The following KCNIP4 variants were observed in gnomAD, a reference collection of about 807,000 sequenced individuals.
KCNIP4 encodes Kv channel-interacting protein 4.
Under a neutral mutation model 34.0 loss-of-function variants are expected in KCNIP4, and 12 were observed. The ratio of observed to expected loss-of-function variants is 0.35; its 90% confidence interval spans 0.23 to 0.57. The LOEUF (loss-of-function observed/expected upper bound fraction) is 0.57, where lower values mean the gene tolerates loss of function less well. KCNIP4 is among the 20% of genes least tolerant of loss of function. The pLI, the probability that KCNIP4 is intolerant of heterozygous loss-of-function variation, is 0.83. For missense variants in KCNIP4, 238 were observed against 311.7 expected, an observed-to-expected ratio of 0.76 and a Z score of 1.78; for synonymous variants, 124 against 102.2, an observed-to-expected ratio of 1.21 and a Z score of -1.29.
intron 1 of KCNIP4, among the ~76,000 whole-genome samples, chr4:21,780,666 C>T (rs1010305514): frequency 2.0e-5 from 3 of 152,158 alleles, no homozygotes; most frequent in Admixed American, 6.5e-5. Flanking sequence ...AACTTACAGG[C>T]TTAAGACTGA....
At chr4:20,740,707 C>G (rs1750852362) in intron 5 of KCNIP4, among the ~76,000 whole-genome samples, 1 of 152,132 alleles carries the variant, frequency 6.6e-6, no homozygotes, top group Admixed American at 6.6e-5. Flanking sequence ...ATGACAGGAT[C>G]AAATTCACAC....
chr4:20,947,903 G>T (rs572375769), intron 1 of KCNIP4, among the ~76,000 whole-genome samples: 2 of 152,260 alleles, frequency 1.3e-5, no homozygotes, highest in African/African-American at 4.8e-5. Flanking sequence ...CAGTAAACTT[G>T]GATCCCAGTT....
intron 1 of KCNIP4, among the ~76,000 whole-genome samples, chr4:21,166,938 C>CAAAAAAAAAAAAAA (rs55649635): frequency 1.6e-4 from 6 of 37,546 alleles, no homozygotes; most frequent in African/African-American, 5.4e-4. Context: ...CACTCCATCT[C>CAAAAAAAAAAAAAA]AAAAAAAAAA....
chr4:20,829,202 AT>A (rs1718125278), intron 3 of KCNIP4, among the ~76,000 whole-genome samples: 1 of 88,100 alleles, frequency 1.1e-5, no homozygotes, highest in South Asian at 5.2e-4. Context: ...AAGTCCTTTT[AT>A]TTTTTATTTT....
At chr4:21,531,183 T>C (rs1273089993) in intron 1 of KCNIP4, among the ~76,000 whole-genome samples, 3 of 152,148 alleles carry the variant, frequency 2.0e-5, no homozygotes, top group Non-Finnish European at 4.4e-5. Context: ...ATTCTAGGCT[T>C]CCAAGTGAAA....
chr4:21,208,116 A>G (rs1326938651), intron 1 of KCNIP4, among the ~76,000 whole-genome samples: 1 of 152,118 alleles, frequency 6.6e-6, no homozygotes, highest in African/African-American at 2.4e-5. Context: ...TACAGGGATT[A>G]CAGGTGTGCG....
chr4:21,477,873 G>T (rs1460267845), intron 1 of KCNIP4, among the ~76,000 whole-genome samples: 2 of 152,136 alleles, frequency 1.3e-5, no homozygotes, highest in African/African-American at 2.4e-5. Flanking sequence ...AGGAACACAA[G>T]CCTGGTGGTA....
intron 1 of KCNIP4, among the ~76,000 whole-genome samples, chr4:21,021,280 G>A (rs1740008944): frequency 6.6e-6 from 1 of 152,128 alleles, no homozygotes; most frequent in African/African-American, 2.4e-5. Flanking sequence ...TTGTAGGACT[G>A]GAAGTTGCTT....
At chr4:20,794,321 A>C (rs1713170778) in intron 3 of KCNIP4, among the ~76,000 whole-genome samples, 1 of 152,122 alleles carries the variant, frequency 6.6e-6, no homozygotes. Flanking sequence ...GAGCAATTGG[A>C]AGTGGCTATA....
chr4:21,813,563 A>G (rs1721790753), intron 1 of KCNIP4, among the ~76,000 whole-genome samples: 1 of 152,186 alleles, frequency 6.6e-6, no homozygotes, highest in South Asian at 2.1e-4. Context: ...ACAAAGATCC[A>G]TTTGTACTCA....
intron 1 of KCNIP4, among the ~76,000 whole-genome samples, chr4:21,640,148 G>A (rs561899721): frequency 1.3e-5 from 2 of 152,260 alleles, no homozygotes; most frequent in East Asian, 3.9e-4. Flanking sequence ...ACTAGCCAAT[G>A]CCATAGGACT....
chr4:21,758,745 A>ACGCTT (rs1717834206), intron 1 of KCNIP4, among the ~76,000 whole-genome samples: 1 of 55,842 alleles, frequency 1.8e-5, no homozygotes, highest in Non-Finnish European at 6.5e-5. Flanking sequence ...AAAGCCATAT[A>ACGCTT]TGGGCTGCTT....
At chr4:21,122,906 C>T (rs4697205) in intron 1 of KCNIP4, among the ~76,000 whole-genome samples, 86,961 of 152,012 alleles carry the variant, frequency 0.57, 25,158 homozygotes, top group African/African-American at 0.64. Flanking sequence ...CTTTAAGCTA[C>T]TGGTTAAAAA....
chr4:21,326,045 T>C (rs1715003867), intron 1 of KCNIP4, among the ~76,000 whole-genome samples: 1 of 151,908 alleles, frequency 6.6e-6, no homozygotes, highest in Admixed American at 6.6e-5. Context: ...ATCCATGTGC[T>C]TAGAAGAATA....
intron 1 of KCNIP4, among the ~76,000 whole-genome samples, chr4:20,948,067 A>C (rs1329284987): frequency 6.6e-6 from 1 of 152,206 alleles, no homozygotes; most frequent in Non-Finnish European, 1.5e-5. Flanking sequence ...CTGTGAAAAC[A>C]CATGTTAAAT....
chr4:21,051,843 A>G (rs1351212984), intron 1 of KCNIP4, among the ~76,000 whole-genome samples: 1 of 152,224 alleles, frequency 6.6e-6, no homozygotes, highest in Non-Finnish European at 1.5e-5. Flanking sequence ...CACAACCACT[A>G]CATTACAGCA....
At chr4:21,264,331 G>T (rs1397981637) in intron 1 of KCNIP4, among the ~76,000 whole-genome samples, 3 of 152,136 alleles carry the variant, frequency 2.0e-5, no homozygotes, top group Non-Finnish European at 4.4e-5. Context: ...CCAACATCTA[G>T]ATATGCCAAG....
At chr4:21,210,379 A>G (rs1433811933) in intron 1 of KCNIP4, among the ~76,000 whole-genome samples, 1 of 152,190 alleles carries the variant, frequency 6.6e-6, no homozygotes, top group African/African-American at 2.4e-5. Flanking sequence ...TAGCCTAGAG[A>G]AATAGCATGC....
chr4:21,304,084 AG>A, intron 1 of KCNIP4: 1 of 251,482 alleles, frequency 4.0e-6, no homozygotes, highest in Non-Finnish European at 5.6e-6. Context: ...AGAGAGAGAG[AG>A]ACAGAGAGAG....
Sources: gnomAD v4.1 joint callset for allele counts (sites outside exome capture counted in the v4.1 genomes callset) on GRCh38, gnomAD v4.1.1 for gene constraint, MANE v1.5 for transcripts, NCBI Gene and HGNC (gene_info 2026-07-23, HGNC 2026-07-21) for gene names.